The following DCC variants were observed in gnomAD, a reference collection of about 807,000 sequenced individuals.
DCC encodes the protein netrin receptor DCC.
A neutral mutation model predicts 172.5 loss-of-function variants in DCC; 58 were observed. The observed-to-expected ratio is 0.34, with a 90% CI of 0.27 to 0.42. The LOEUF is 0.42. Among genes scored for constraint, DCC ranks in the 10% least tolerant of loss-of-function variants. The pLI, the probability that DCC is intolerant of heterozygous loss-of-function variation, is 1.00. For missense variants in DCC, 1,740 were observed against 1,791.0 expected, an observed-to-expected ratio of 0.97 and a Z score of 0.51; for synonymous variants, 709 against 644.5, an observed-to-expected ratio of 1.10 and a Z score of -1.52.
chr18:53,131,884 A>G (rs563728071), intron 7 of DCC, among the ~76,000 whole-genome samples: 46 of 151,868 alleles, frequency 3.0e-4, no homozygotes, highest in Middle Eastern at 3.4e-3. Flanking sequence ...GGTGCAAATC[A>G]AAATGGATGA....
chr18:52,345,620 T>C (rs1290164035), intron 1 of DCC, among the ~76,000 whole-genome samples: 1 of 152,328 alleles, frequency 6.6e-6, no homozygotes, highest in Non-Finnish European at 1.5e-5. Context: ...CTAAGAGGTG[T>C]GGCATCAATA....
At chr18:52,414,011 A>G (rs1268465774) in intron 1 of DCC, among the ~76,000 whole-genome samples, 1 of 152,140 alleles carries the variant, frequency 6.6e-6, no homozygotes, top group African/African-American at 2.4e-5. Context: ...CATCTCTTAG[A>G]TGCATGAGGA....
intron 1 of DCC, among the ~76,000 whole-genome samples, chr18:52,367,616 C>T (rs1318180629): frequency 6.6e-6 from 1 of 152,184 alleles, no homozygotes; most frequent in African/African-American, 2.4e-5. Flanking sequence ...ATCTTCTTTT[C>T]TTGTCTCAAT....
chr18:53,526,185 C>A (rs1435042848), intron 27 of DCC, among the ~76,000 whole-genome samples: 1 of 152,084 alleles, frequency 6.6e-6, no homozygotes, highest in Non-Finnish European at 1.5e-5. Flanking sequence ...ATTTGTAGAC[C>A]AGAGCAACCA....
chr18:52,805,411 G>C (rs1157138571), intron 2 of DCC, among the ~76,000 whole-genome samples: 1 of 151,952 alleles, frequency 6.6e-6, no homozygotes, highest in African/African-American at 2.4e-5. Flanking sequence ...AAGGTTAGAT[G>C]GTCTAGATAA....
chr18:53,318,991 A>T (rs2057376212), intron 13 of DCC, among the ~76,000 whole-genome samples: 1 of 152,202 alleles, frequency 6.6e-6, no homozygotes, highest in South Asian at 2.1e-4. Context: ...GGCAACCCAG[A>T]ATTTCATATC....
At chr18:52,721,220 ATC>A (rs1177746648) in intron 1 of DCC, among the ~76,000 whole-genome samples, 1 of 152,226 alleles carries the variant, frequency 6.6e-6, no homozygotes, top group African/African-American at 2.4e-5. Context: ...CAATGTTCGA[ATC>A]TGAAATTATT....
At chr18:53,134,996 C>T (rs900873334) in intron 7 of DCC, among the ~76,000 whole-genome samples, 1 of 152,126 alleles carries the variant, frequency 6.6e-6, no homozygotes. Context: ...GTCAGTTGTC[C>T]TGTAGTTAGG....
chr18:53,363,017 T>C (rs575002708), intron 15 of DCC, among the ~76,000 whole-genome samples: 2 of 152,260 alleles, frequency 1.3e-5, no homozygotes, highest in South Asian at 2.1e-4. Context: ...GGTGTTCTGA[T>C]TGACGCCATC....
chr18:52,663,724 A>C (rs1419592220), intron 1 of DCC, among the ~76,000 whole-genome samples: 1 of 152,206 alleles, frequency 6.6e-6, no homozygotes, highest in Non-Finnish European at 1.5e-5. Context: ...GAGACAGAAA[A>C]CTACATTCTC....
At chr18:52,556,792 C>T (rs982535228) in intron 1 of DCC, among the ~76,000 whole-genome samples, 3 of 152,004 alleles carry the variant, frequency 2.0e-5, no homozygotes, top group African/African-American at 4.8e-5. Flanking sequence ...TCAATTGGTG[C>T]CGCCGTCTCA....
chr18:52,581,836 C>A (rs1172449263), intron 1 of DCC, among the ~76,000 whole-genome samples: 1 of 152,154 alleles, frequency 6.6e-6, no homozygotes, highest in Non-Finnish European at 1.5e-5. Context: ...TAACAACTTT[C>A]TGATTGACAG....
At chr18:52,387,372 C>T (rs1003141538) in intron 1 of DCC, among the ~76,000 whole-genome samples, 3 of 152,082 alleles carry the variant, frequency 2.0e-5, no homozygotes, top group Non-Finnish European at 4.4e-5. Context: ...GACCAGAGAG[C>T]GAGTCTGGAT....
chr18:52,882,615 G>A (rs917272057), intron 2 of DCC, among the ~76,000 whole-genome samples: 1 of 151,966 alleles, frequency 6.6e-6, no homozygotes, highest in African/African-American at 2.4e-5. Context: ...TTACACTGGG[G>A]TCAGAAAAGA....
intron 2 of DCC, among the ~76,000 whole-genome samples, chr18:52,877,612 T>A (rs1283448654): frequency 6.6e-6 from 1 of 151,520 alleles, no homozygotes; most frequent in Admixed American, 6.6e-5. Flanking sequence ...GAGGTTGAGG[T>A]GGGAGGATCA....
intron 1 of DCC, among the ~76,000 whole-genome samples, chr18:52,724,101 T>C (rs60457408): frequency 8.7e-4 from 133 of 152,300 alleles, no homozygotes; most frequent in Middle Eastern, 3.4e-3. Context: ...ATATCAACTT[T>C]ATTTTACCTT....
intron 5 of DCC, among the ~76,000 whole-genome samples, chr18:53,006,123 C>A (rs2041642042): frequency 6.6e-6 from 1 of 152,178 alleles, no homozygotes; most frequent in Non-Finnish European, 1.5e-5. Context: ...CTTTCATGCT[C>A]ATTTTCTTTA....
rs56355500 is a variant in DCC at position 53,309,964 on chromosome 18, G to GTATATATATATA, written c.2053+4252_2053+4263dup. Among the ~76,000 whole-genome samples the GTATATATATATA allele has an allele frequency of 5.9e-3, 809 of 137,300 alleles. 10 individuals carry two copies. The highest frequency in any genetic ancestry group is 0.02 in the African/African-American group (732 of 36,854). 90.1% of individuals were successfully genotyped at this position (137,300 alleles called of 152,430 possible). Reference sequence around the variant, plus strand: ...TATATACATGTATATATACGTGTGTGTATATATATATATATATACTCTTTC... The same window carrying GTATATATATATA: ...TATATACATGTATATATACGTGTGTGTATATATATATATATATATATATATATATACTCTTTC... On this transcript the variant is annotated intron_variant, in intron 13 of 28. Coordinates refer to ENST00000442544, the MANE Select transcript of DCC (RefSeq NM_005215.4).
At chr18:53,169,369 T>C (rs1252201121) in intron 8 of DCC, among the ~76,000 whole-genome samples, 1 of 152,236 alleles carries the variant, frequency 6.6e-6, no homozygotes, top group African/African-American at 2.4e-5. Context: ...AAAGTCCAAG[T>C]GGACAAGTTG....
Sources: gnomAD v4.1 joint callset for allele counts (sites outside exome capture counted in the v4.1 genomes callset) on GRCh38, gnomAD v4.1.1 for gene constraint, MANE v1.5 for transcripts, NCBI Gene and HGNC (gene_info 2026-07-23, HGNC 2026-07-21) for gene names.